The following RHBDD1 variants were observed in gnomAD, a reference collection of about 807,000 sequenced individuals.
RHBDD1 encodes rhomboid-related protein 4.
In RHBDD1, 38 loss-of-function variants were observed where a neutral mutation model predicts 36.3. The ratio of observed to expected loss-of-function variants is 1.05; its 90% CI spans 0.81 to 1.37. The LOEUF is 1.37. Among genes scored for constraint, RHBDD1 ranks in the 40% most tolerant of loss-of-function variants. RHBDD1 has a pLI of 0.00. For synonymous variants in RHBDD1, 151 were observed against 136.5 expected (o/e 1.11, Z -0.74); for missense variants, 393 against 377.6 (o/e 1.04, Z -0.34).
intron 8 of RHBDD1, among the ~76,000 whole-genome samples, chr2:226,956,222 C>G (rs771685471): frequency 1.1e-4 from 16 of 152,120 alleles, no homozygotes; most frequent in Non-Finnish European, 2.2e-4. Context: ...TCAACTTGCT[C>G]CCACGCCCCA....
Position 226,995,927 on chromosome 2 carries a change from T to C in RHBDD1, c.*405T>C. 1 of 171,894 alleles carries C rather than the reference T, an allele frequency of 5.8e-6. No individual in the cohort carries two copies. Among genetic ancestry groups the C allele is most frequent in the East Asian group, 1.7e-4 (1 of 5,774 alleles). 10.6% of individuals were successfully genotyped at this position (171,894 alleles called of 1,614,324 possible). On this transcript the variant is annotated 3_prime_UTR_variant, in exon 9 of 9. Transcript: ENST00000392062. ...GCCCCGTGTTTGACTTGGCAGCGGG[T>C]GTGGAGCCATCCCCGCGTCCTCCTG...
rs1470656905 is a variant in RHBDD1, at chr2:226,950,846, G to C, written c.856+36495G>C. On this transcript the variant is annotated intron_variant, in intron 8 of 8. Transcript: ENST00000392062. ...TGGGTTGTTTTCTTGCCTTTGAGTT[G>C]AGTTTCTTATGTTTTTTATACTAAT... is the stretch of plus-strand genomic sequence containing the variant. Among the ~76,000 whole-genome samples the C allele has an allele frequency of 2.0e-5, 3 of 152,196 alleles. No homozygotes were observed. In the East Asian group the frequency reaches 5.8e-4, roughly 29 times the overall value.
chr2:226,838,400 CTG>C (rs1313471209), intron 2 of RHBDD1, among the ~76,000 whole-genome samples: 2 of 152,160 alleles, frequency 1.3e-5, no homozygotes, highest in East Asian at 3.8e-4. Flanking sequence ...AGATCGCTAT[CTG>C]TGGTTTTAGG....
At chr2:226,865,310 A>G (rs1272950398) in intron 4 of RHBDD1, among the ~76,000 whole-genome samples, 184 bp downstream of exon 4, 1 of 152,212 alleles carries the variant, frequency 6.6e-6, no homozygotes, top group Non-Finnish European at 1.5e-5. Flanking sequence ...ATTATGCTGC[A>G]TTATTCACTC....
intron 3 of RHBDD1, among the ~76,000 whole-genome samples, chr2:226,861,355 G>C (rs887499125): frequency 5.3e-5 from 8 of 152,162 alleles, no homozygotes; most frequent in Non-Finnish European, 1.0e-4. Flanking sequence ...ACAGTGGAGA[G>C]CTGGGAGGTG....
chr2:226,955,475 C>G (rs1351769524), intron 8 of RHBDD1, among the ~76,000 whole-genome samples: 2 of 152,226 alleles, frequency 1.3e-5, no homozygotes, highest in African/African-American at 2.4e-5. Flanking sequence ...TCTAGGGTCA[C>G]TGATCTTTGA....
chr2:226,861,847 C>T (rs1282509035), intron 3 of RHBDD1, among the ~76,000 whole-genome samples: 2 of 152,114 alleles, frequency 1.3e-5, no homozygotes, highest in African/African-American at 4.8e-5. Context: ...GGCCATTTAT[C>T]CAAAGTTATG....
At chr2:226,926,311 A>T (rs913437184) in intron 8 of RHBDD1, among the ~76,000 whole-genome samples, 1 of 152,070 alleles carries the variant, frequency 6.6e-6, no homozygotes, top group East Asian at 1.9e-4. Context: ...TTCCCTAGTA[A>T]CACCTACCAT....
chr2:226,867,717 A>T, intron 5 of RHBDD1: 1 of 909,496 alleles, frequency 1.1e-6, no homozygotes, highest in South Asian at 5.1e-5. Context: ...TTTTATTATT[A>T]TTATTATTCT....
the RHBDD1 span, among the ~76,000 whole-genome samples, chr2:226,826,517 ATT>A: frequency 1.1e-3 from 135 of 122,054 alleles, no homozygotes; most frequent in East Asian, 5.8e-3. Context: ...ATCATGATAG[ATT>A]TTTTTTTTTT....
At chr2:226,911,353 T>A (rs1039908901) in intron 7 of RHBDD1, among the ~76,000 whole-genome samples, 1 of 152,100 alleles carries the variant, frequency 6.6e-6, no homozygotes, top group African/African-American at 2.4e-5. Context: ...TGTATTCCAG[T>A]AAAATAATTG....
At chr2:226,882,323 G>A (rs980888772) in intron 5 of RHBDD1, among the ~76,000 whole-genome samples, 12 of 151,336 alleles carry the variant, frequency 7.9e-5, no homozygotes, top group South Asian at 4.2e-4. Context: ...CCAGCTACTC[G>A]GGAGGCTGAG....
intron 8 of RHBDD1, among the ~76,000 whole-genome samples, chr2:226,974,750 A>C (rs1047204321): frequency 6.6e-6 from 1 of 151,968 alleles, no homozygotes; most frequent in Non-Finnish European, 1.5e-5. Context: ...CAGGGTGGAT[A>C]CTCCCTGCAG....
At chr2:226,824,800 G>C in the RHBDD1 span, among the ~76,000 whole-genome samples, 1 of 152,136 alleles carries the variant, frequency 6.6e-6, no homozygotes, top group South Asian at 2.1e-4. Flanking sequence ...TTGTATACAT[G>C]GTATGTCTAA....
chr2:226,988,612 C>T (rs1231454110), intron 8 of RHBDD1: 6 of 1,353,260 alleles, frequency 4.4e-6, no homozygotes, highest in Non-Finnish European at 5.7e-6. Flanking sequence ...CCAGCTGCCC[C>T]TCCGAGCAGA....
rs567686217 is a variant in RHBDD1 at position 226,887,622 on chromosome 2, G to C, written c.567-19171G>C. ...CTTTAGGACTTGCTAATGAAAGACA[G>C]TGTGTACAGAATCTGCTTTTCTAGC... On this transcript the variant is annotated intron_variant, in intron 5 of 8. Coordinates refer to ENST00000392062, the MANE Select transcript of RHBDD1 (RefSeq NM_001167608.3). Among the ~76,000 whole-genome samples the C allele has an allele frequency of 3.3e-5, 5 of 152,260 alleles. No homozygotes were observed. The South Asian group carries it at 1.0e-3, about 31-fold the overall frequency.
At chr2:226,857,920 A>G (rs1340038951) in intron 3 of RHBDD1, among the ~76,000 whole-genome samples, 1 of 152,182 alleles carries the variant, frequency 6.6e-6, no homozygotes, top group East Asian at 1.9e-4. Context: ...ATTTTATGGT[A>G]TGTGAGTTAT....
rs138534246 is a variant in RHBDD1, at chr2:226,883,627, A to T, written c.566+16309A>T. ...TGTGGGTGTGTGGATGATAACACCTACCTAATCTGTACTTAACTAACTAGG... is the reference window on the plus strand; with the variant it reads ...TGTGGGTGTGTGGATGATAACACCTTCCTAATCTGTACTTAACTAACTAGG... On this transcript the variant is annotated intron_variant, in intron 5 of 8. Coordinates refer to ENST00000392062, the MANE Select transcript of RHBDD1 (RefSeq NM_001167608.3). Among the ~76,000 whole-genome samples, 177 of 152,322 alleles carry T rather than the reference A, an allele frequency of 1.2e-3. 3 individuals are homozygous for T. The Middle Eastern group carries it at 0.027, about 23-fold the overall frequency.
At chr2:226,867,631 C>T (rs1342327326) in intron 5 of RHBDD1, 2 of 984,872 alleles carry the variant, frequency 2.0e-6, no homozygotes, top group Non-Finnish European at 2.4e-6. Flanking sequence ...ATTCTGAAAG[C>T]AAGATTCCAA....
Sources: allele counts gnomAD v4.1 joint callset (sites outside exome capture counted in the v4.1 genomes callset), GRCh38; gene constraint gnomAD v4.1.1; transcripts MANE v1.5; gene names NCBI Gene and HGNC (gene_info 2026-07-23, HGNC 2026-07-21).